The following ZBBX variants were observed in gnomAD, a reference collection of about 807,000 sequenced individuals.
The protein encoded by ZBBX is zinc finger B-box domain-containing protein 1.
Under a neutral mutation model 108.5 loss-of-function variants are expected in ZBBX, and 101 were observed. That is an observed-to-expected ratio of 0.93 (90% confidence interval 0.79 to 1.10). The LOEUF (loss-of-function observed/expected upper bound fraction) is 1.10, where lower values mean the gene tolerates loss of function less well. ZBBX is among the 50% of genes least tolerant of loss of function. The probability of loss-of-function intolerance (pLI) is 0.00; values close to 1 mark genes in which losing one functional copy is unlikely to be tolerated. For synonymous variants in ZBBX, 356 were observed against 323.4 expected, an observed-to-expected ratio of 1.10 and a Z score of -1.08; for missense variants, 1,009 against 941.4, an observed-to-expected ratio of 1.07 and a Z score of -0.94.
At chr3:167,367,721 A>T (rs1577105113) in intron 5 of ZBBX, among the ~76,000 whole-genome samples, 1 of 151,582 alleles carries the variant, frequency 6.6e-6, no homozygotes, top group Middle Eastern at 3.4e-3. Flanking sequence ...AGTCATTAAA[A>T]TGGGTGCTAG....
intron 19 of ZBBX, among the ~76,000 whole-genome samples, chr3:167,285,282 A>G (rs1729497373): frequency 6.6e-6 from 1 of 152,104 alleles, no homozygotes; most frequent in Non-Finnish European, 1.5e-5. Flanking sequence ...GCTATTCTAA[A>G]TATAACAATA....
chr3:167,317,469 T>C lies in ZBBX; in HGVS notation c.1093+19A>G. 1 of 1,546,350 alleles carries C rather than the reference T, an allele frequency of 6.5e-7. No homozygotes were observed. The highest frequency in any genetic ancestry group is 8.8e-7 in the Non-Finnish European group (1 of 1,134,970). ...TGAGACAATACATTTTAAAAATATC[T>C]AATCAAGTATGAACTAACCATCACT... On this transcript the variant is annotated intron_variant, in intron 13 of 21. Transcript: ENST00000675490.
intron 14 of ZBBX, 46 bp downstream of exon 14, chr3:167,316,959 T>C (rs1735561659): frequency 8.8e-7 from 1 of 1,130,674 alleles, no homozygotes; most frequent in East Asian, 2.4e-5. Context: ...CATTATGAAT[T>C]CCCTGTTAAA....
chr3:167,242,664 C>A, intron 20 of ZBBX, 21 bp from the exon 21 acceptor site: 2 of 1,602,234 alleles, frequency 1.2e-6, no homozygotes, highest in South Asian at 2.2e-5. Context: ...TTATTTCATG[C>A]ATTGTCAAAA....
intron 20 of ZBBX, among the ~76,000 whole-genome samples, chr3:167,253,635 C>T (rs1722986898): frequency 6.6e-6 from 1 of 151,970 alleles, no homozygotes; most frequent in African/African-American, 2.4e-5. Flanking sequence ...AACAGTAGCT[C>T]CCCAGAAAAG....
chr3:167,256,377 T>C (rs1009718797), intron 20 of ZBBX, among the ~76,000 whole-genome samples: 5 of 152,120 alleles, frequency 3.3e-5, no homozygotes, highest in Admixed American at 6.6e-5. Flanking sequence ...TGTTTTGATA[T>C]AGACATGCAA....
At chr3:167,196,152 C>A in the ZBBX span, among the ~76,000 whole-genome samples, 1 of 152,074 alleles carries the variant, frequency 6.6e-6, no homozygotes, top group Non-Finnish European at 1.5e-5. Context: ...ATTACAAAGG[C>A]CCCTTTGATA....
chr3:167,356,272 T>C lies in ZBBX; in HGVS notation c.432+3598A>G, dbSNP rs977217624. 7.2e-5 allele frequency among the ~76,000 whole-genome samples: 11 copies of C among 152,060 alleles called. No homozygotes were observed. In the East Asian group the frequency reaches 1.9e-3, roughly 27 times the overall value. ...AGCAATTTTTTTAAGATTCCTTAAA[T>C]TACTGCCAAACATCATATCAAATAA... On this transcript the variant is annotated intron_variant, in intron 8 of 21. Coordinates refer to ENST00000675490, the MANE Select transcript of ZBBX (RefSeq NM_001199201.2).
chr3:167,191,916 T>TAGAG, the ZBBX span, among the ~76,000 whole-genome samples: 14 of 103,274 alleles, frequency 1.4e-4, 1 homozygote, highest in African/African-American at 4.6e-4. Context: ...TATATATATA[T>TAGAG]ATATATATAT....
At chr3:167,348,354 A>AAGAAAG (rs1553832869) in intron 9 of ZBBX, among the ~76,000 whole-genome samples, 66 of 69,658 alleles carry the variant, frequency 9.5e-4, no homozygotes, top group Non-Finnish European at 1.4e-3. Flanking sequence ...GAAAGAAAGA[A>AAGAAAG]AGAAAGAAAG....
chr3:167,340,832 T>C (rs752479911), intron 9 of ZBBX, among the ~76,000 whole-genome samples: 2 of 151,812 alleles, frequency 1.3e-5, no homozygotes, highest in African/African-American at 2.4e-5. Context: ...CCCATCTAAA[T>C]ACATAGAGAA....
intron 12 of ZBBX, among the ~76,000 whole-genome samples, chr3:167,321,618 T>C (rs543155573): frequency 6.6e-6 from 1 of 152,130 alleles, no homozygotes; most frequent in Admixed American, 6.6e-5. Context: ...CAGGCCTCAC[T>C]TCAGATCTAC....
the ZBBX span, among the ~76,000 whole-genome samples, chr3:167,224,359 A>G: frequency 5.1e-4 from 77 of 152,084 alleles, no homozygotes; most frequent in African/African-American, 1.7e-3. Flanking sequence ...TTACAGTTAG[A>G]TAAGAGGAAT....
At chr3:167,337,707 T>C (rs1047257564) in intron 9 of ZBBX, among the ~76,000 whole-genome samples, 3 of 152,176 alleles carry the variant, frequency 2.0e-5, no homozygotes, top group Non-Finnish European at 4.4e-5. Context: ...TTGTCTTTTC[T>C]TAAAAGAGCA....
Position 167,328,008 on chromosome 3 carries a change from A to T in ZBBX, c.796T>A (p.Leu266Ile). 1 of 1,613,160 alleles carries T rather than the reference A, an allele frequency of 6.2e-7. No individual in the cohort carries two copies. The highest frequency in any genetic ancestry group is 1.3e-5 in the African/African-American group (1 of 74,794). Reference protein sequence around the residue: ...EASAQSFQEVLSQWRTGNHDD... With the variant: ...EASAQSFQEVISQWRTGNHDD... The stretch of plus-strand genomic sequence containing the variant: ...TGATTTCCGGTTCTCCATTGACTTA[A>T]CACTTCCTGAAAGGACTGTGCAGAA... Residue 266 changes from leucine (L) to isoleucine (I), a missense_variant, in exon 11 of 22, where the codon TTA becomes ATA. By Grantham distance (5) the Leu-to-Ile change is conservative. Transcript: ENST00000675490.
chr3:167,210,088 T>TTAAAATAAAATAAAATAAAA, the ZBBX span, among the ~76,000 whole-genome samples: 1,897 of 151,986 alleles, frequency 0.012, 20 homozygotes, highest in South Asian at 0.021. Context: ...AGACTTGGTC[T>TTAAAATAAAATAAAATAAAA]TAAAATAAAA....
chr3:167,316,686 G>C (rs1414606062), intron 14 of ZBBX, among the ~76,000 whole-genome samples: 1 of 151,938 alleles, frequency 6.6e-6, no homozygotes, highest in African/African-American at 2.4e-5. Context: ...TTAAAAACTT[G>C]ATAACATAGA....
At chr3:167,203,191 T>C in the ZBBX span, among the ~76,000 whole-genome samples, 3 of 152,262 alleles carry the variant, frequency 2.0e-5, no homozygotes, top group South Asian at 4.1e-4. Context: ...GGCCTTTGTC[T>C]TTGGTTTGCA....
At chr3:167,251,591 T>C (rs7653622) in intron 20 of ZBBX, among the ~76,000 whole-genome samples, 2,293 of 152,292 alleles carry the variant, frequency 0.015, 52 homozygotes, top group African/African-American at 0.052. Context: ...TATTGGTTTC[T>C]TATATAACTT....
Sources: allele counts gnomAD v4.1 joint callset (sites outside exome capture counted in the v4.1 genomes callset), GRCh38; gene constraint gnomAD v4.1.1; transcripts MANE v1.5; gene names NCBI Gene and HGNC (gene_info 2026-07-23, HGNC 2026-07-21).